LONP2: variants seen among roughly 807,000 people sequenced by gnomAD.
LONP2 encodes the protein lon protease homolog 2, peroxisomal.
In LONP2, 60 loss-of-function variants were observed where a neutral mutation model predicts 85.6. The ratio of observed to expected loss-of-function variants is 0.70; its 90% CI spans 0.57 to 0.87. The LOEUF (loss-of-function observed/expected upper bound fraction) is 0.87, where lower values mean the gene tolerates loss of function less well. LONP2 is among the 40% of genes least tolerant of loss of function. LONP2 has a pLI of 0.00. For synonymous variants in LONP2, 395 were observed against 389.7 expected (o/e 1.01, Z -0.16); for missense variants, 860 against 1,063.5 (o/e 0.81, Z 2.66).
intron 5 of LONP2, 41 bp downstream of exon 5, chr16:48,261,628 T>C (rs1470057698): frequency 5.6e-6 from 8 of 1,418,956 alleles, no homozygotes. Context: ...GTTTTCATTC[T>C]TGGTACTCCT....
intron 1 of LONP2, among the ~76,000 whole-genome samples, chr16:48,249,696 T>A (rs1971579045): frequency 6.6e-6 from 1 of 151,930 alleles, no homozygotes; most frequent in Admixed American, 6.6e-5. Flanking sequence ...GTCAACATCA[T>A]GAGATCCCAT....
chr16:48,284,934 T>A (rs1225169728), intron 8 of LONP2, among the ~76,000 whole-genome samples: 1 of 152,246 alleles, frequency 6.6e-6, no homozygotes, highest in Non-Finnish European at 1.5e-5. Flanking sequence ...CACTGCCTTT[T>A]ATGTTTGCAA....
At chr16:48,311,147 A>G (rs769280834) in intron 11 of LONP2, among the ~76,000 whole-genome samples, 9 of 152,150 alleles carry the variant, frequency 5.9e-5, no homozygotes, top group Non-Finnish European at 1.2e-4. Context: ...CCTTCTCGCA[A>G]TGTATTTGGC....
intron 11 of LONP2, among the ~76,000 whole-genome samples, chr16:48,320,675 G>A (rs1973244474): frequency 6.6e-6 from 1 of 152,128 alleles, no homozygotes; most frequent in African/African-American, 2.4e-5. Flanking sequence ...GGTATATACT[G>A]CCAATATCAT....
intron 8 of LONP2, among the ~76,000 whole-genome samples, chr16:48,280,489 T>C (rs1972303534): frequency 6.6e-6 from 1 of 152,218 alleles, no homozygotes; most frequent in Non-Finnish European, 1.5e-5. Flanking sequence ...GTTAAATTGA[T>C]CTTTGATAAC....
chr16:48,298,499 G>A (rs1416569424), intron 9 of LONP2, among the ~76,000 whole-genome samples: 1 of 151,574 alleles, frequency 6.6e-6, no homozygotes, highest in African/African-American at 2.4e-5. Context: ...ACCATCATGT[G>A]GAGGAAAAAA....
chr16:48,355,620 C>G lies in LONP2; in HGVS notation c.*3818C>G, dbSNP rs1212202827. The G allele has an allele frequency of 1.3e-5, 2 of 152,236 alleles. No individual in the cohort carries two copies. Among genetic ancestry groups the G allele is most frequent in the Non-Finnish European group, 2.9e-5 (2 of 68,042 alleles). The allele number at this position is 152,236 out of a possible 1,614,324, so 9.4% of individuals were successfully genotyped here. A position where few individuals can be genotyped will look rare whatever the true frequency, so the allele number is the denominator to read the frequency against. ...CACCGCAGCTGCACCATTTGACATT[C>G]CTTCCAGCAATGCACAAATGTTCCA... On this transcript the variant is annotated 3_prime_UTR_variant, in exon 15 of 15. Coordinates refer to ENST00000285737, the MANE Select transcript of LONP2 (RefSeq NM_031490.5).
rs768000022 is a variant in LONP2, at chr16:48,353,958, A to G, written c.*2156A>G. ...CTCCCCTTGCTGTGTATGACATGGA[A>G]CAGTATGACCATTGCACTAGCTTTG... is the stretch of plus-strand genomic sequence containing the variant. On this transcript the variant is annotated 3_prime_UTR_variant, in exon 15 of 15. Coordinates refer to ENST00000285737, the MANE Select transcript of LONP2 (RefSeq NM_031490.5). 2.6e-5 allele frequency: 4 copies of G among 151,510 alleles called. No individual in the cohort carries two copies. Among genetic ancestry groups the G allele is most frequent in the Non-Finnish European group, 4.4e-5 (3 of 67,954 alleles). The allele number at this position is 151,510 out of a possible 1,614,324, so 9.4% of individuals were successfully genotyped here.
At chr16:48,293,301 G>C (rs554213322) in intron 8 of LONP2, among the ~76,000 whole-genome samples, 2 of 152,042 alleles carry the variant, frequency 1.3e-5, no homozygotes, top group Non-Finnish European at 2.9e-5. Flanking sequence ...GGTGGCGGGC[G>C]CCTGTAGTCC....
At chr16:48,273,160 A>G (rs770466652) in intron 7 of LONP2, among the ~76,000 whole-genome samples, 1 of 152,178 alleles carries the variant, frequency 6.6e-6, no homozygotes, top group Admixed American at 6.6e-5. Flanking sequence ...TAGCCAAGGA[A>G]AAAGAAAGCC....
intron 8 of LONP2, among the ~76,000 whole-genome samples, chr16:48,282,097 GTTTTTTT>G (rs1043203958): frequency 2.0e-5 from 3 of 152,120 alleles, no homozygotes; most frequent in Admixed American, 6.5e-5. Context: ...CACAGACTGT[GTTTTTTT>G]AACAAATTAA....
intron 11 of LONP2, among the ~76,000 whole-genome samples, chr16:48,326,854 C>T (rs1959250842): frequency 6.6e-6 from 1 of 152,210 alleles, no homozygotes; most frequent in Non-Finnish European, 1.5e-5. Flanking sequence ...GGCTATTGGG[C>T]CTGTTTTCAT....
At chr16:48,275,351 T>C (rs1386359387) in intron 7 of LONP2, among the ~76,000 whole-genome samples, 1 of 152,202 alleles carries the variant, frequency 6.6e-6, no homozygotes, top group Non-Finnish European at 1.5e-5. Context: ...CTTTGAGTGC[T>C]GGCACGGTGG....
chr16:48,314,239 C>G (rs2151010169), intron 11 of LONP2, among the ~76,000 whole-genome samples: 1 of 151,214 alleles, frequency 6.6e-6, no homozygotes, highest in South Asian at 2.1e-4. Context: ...AAATTCTTTT[C>G]CCATTCTGTA....
intron 6 of LONP2, among the ~76,000 whole-genome samples, chr16:48,265,047 G>A (rs983609621): frequency 1.3e-4 from 20 of 152,010 alleles, no homozygotes; most frequent in African/African-American, 4.6e-4. Flanking sequence ...CTGATGATTA[G>A]TCATGATAAG....
intron 11 of LONP2, among the ~76,000 whole-genome samples, chr16:48,308,152 A>G (rs368900148): frequency 2.0e-5 from 3 of 152,212 alleles, no homozygotes; most frequent in East Asian, 3.8e-4. Flanking sequence ...ACATAGATCA[A>G]TGGAACAGAA....
downstream of LONP2, chr16:48,361,353 G>C (rs1288377922): frequency 2.0e-6 from 1 of 491,818 alleles, no homozygotes; most frequent in African/African-American, 1.9e-5. Context: ...CCCATCTTGG[G>C]TGTATATACA....
At chr16:48,314,581 T>C (rs980133792) in intron 11 of LONP2, among the ~76,000 whole-genome samples, 4 of 152,188 alleles carry the variant, frequency 2.6e-5, no homozygotes, top group Non-Finnish European at 4.4e-5. Context: ...CTTTCTTCAT[T>C]GGTTACTAGT....
chr16:48,301,084 A>G (rs1299535858), intron 10 of LONP2, among the ~76,000 whole-genome samples: 1 of 152,212 alleles, frequency 6.6e-6, no homozygotes, highest in Non-Finnish European at 1.5e-5. Context: ...TATTGTTTTT[A>G]AAAACAGCAC....
Sources: allele counts gnomAD v4.1 joint callset (sites outside exome capture counted in the v4.1 genomes callset), GRCh38; gene constraint gnomAD v4.1.1; transcripts MANE v1.5; gene names NCBI Gene and HGNC (gene_info 2026-07-23, HGNC 2026-07-21).